Variants in CPNE2 observed in about 807,000 individuals in gnomAD.
CPNE2 encodes copine-2.
In CPNE2, 42 loss-of-function variants were observed where a neutral mutation model predicts 69.7. That is an observed-to-expected ratio of 0.60 (90% CI 0.47 to 0.78). CPNE2 has a LOEUF of 0.78. Ranked by LOEUF, CPNE2 falls within the 30% of genes least tolerant of loss-of-function variation. The probability of loss-of-function intolerance (pLI) is 0.00; values close to 1 mark genes in which losing one functional copy is unlikely to be tolerated. For synonymous variants in CPNE2, 294 were observed against 289.8 expected (o/e 1.01, Z -0.15); for missense variants, 587 against 732.0 (o/e 0.80, Z 2.29).
At chr16:57,098,087 G>C (rs997997446) in intron 1 of CPNE2, among the ~76,000 whole-genome samples, 3 of 152,104 alleles carry the variant, frequency 2.0e-5, no homozygotes, top group Non-Finnish European at 4.4e-5. Context: ...GGCCTGGGAG[G>C]GTGGGGGTGG....
At chr16:57,138,174 C>T (rs2145279621) in intron 14 of CPNE2, among the ~76,000 whole-genome samples, 1 of 152,300 alleles carries the variant, frequency 6.6e-6, no homozygotes, top group South Asian at 2.1e-4. Context: ...TCCTTTCTGG[C>T]CACTACCTCC....
chr16:57,147,719 C>G lies in CPNE2; in HGVS notation c.*61C>G. The stretch of plus-strand genomic sequence containing the variant: ...TCCTGCCCTCCCCCAGGAACATGCA[C>G]GCTCACTCTGCTTCCTTGTGGGTGG... On this transcript the variant is annotated 3_prime_UTR_variant, in exon 16 of 16. Coordinates refer to ENST00000290776, the MANE Select transcript of CPNE2 (RefSeq NM_152727.6). 3 of 1,131,024 alleles carry G rather than the reference C, an allele frequency of 2.7e-6. No homozygotes were observed. Among genetic ancestry groups the G allele is most frequent in the Non-Finnish European group, 2.5e-6 (2 of 805,882 alleles). The allele number at this position is 1,131,024 out of a possible 1,614,324, so 70.1% of individuals were successfully genotyped here.
In CPNE2 at chr16:57,111,526, G is replaced by A. The variant is rs78868586; in HGVS notation, c.180+604G>A. Among the ~76,000 whole-genome samples the A allele has an allele frequency of 8.2e-3, 1,252 of 152,308 alleles. 21 individuals carry two copies. The highest frequency in any genetic ancestry group is 0.029 in the African/African-American group (1,200 of 41,558). On this transcript the variant is annotated intron_variant, in intron 2 of 15. Transcript: ENST00000290776. ...TTAACATTTTATAGTTTTATGAAAT[G>A]TTTGCTTCCGCTTTTAAATAACCTT...
rs529154007 is a variant in CPNE2 at position 57,118,893 on chromosome 16, C to T, written c.508-302C>T. On this transcript the variant is annotated intron_variant, in intron 5 of 15. Transcript: ENST00000290776. ...AATAGTCACCCTCTTGAAGTCCTGG[C>T]CCATCTAAAATGCCGGAGTTCTGAC... 2.0e-5 allele frequency among the ~76,000 whole-genome samples: 3 copies of T among 152,242 alleles called. No individual in the cohort carries two copies. In the East Asian group the frequency reaches 5.8e-4, roughly 29 times the overall value.
intron 1 of CPNE2, among the ~76,000 whole-genome samples, chr16:57,102,256 G>A (rs921370137): frequency 2.6e-5 from 4 of 152,144 alleles, no homozygotes; most frequent in Non-Finnish European, 5.9e-5. Context: ...GCTTGGTGCT[G>A]CATTTCTAGC....
At chr16:57,125,724 C>A (rs2069795771) in intron 10 of CPNE2, 136 bp from the exon 11 acceptor site, 4 of 1,077,714 alleles carry the variant, frequency 3.7e-6, no homozygotes, top group African/African-American at 1.6e-5. Context: ...TTCTAGGTTT[C>A]AGACCATCTT....
chr16:57,121,701 A>G lies in CPNE2; in HGVS notation c.808A>G (p.Lys270Glu). ...GGAGTTCGAGTGCATCAACCCCAAG[A>G]AGCAGAGGAAGAAGAAGAACTATAA... Reference protein sequence around the residue: ...PLEFECINPKKQRKKKNYKNS... With the variant: ...PLEFECINPKEQRKKKNYKNS... The change falls in exon 9 of 16, where the codon AAG (lysine) becomes GAG (glutamate). Residue 270 changes from lysine (K) to glutamate (E), a missense_variant. By Grantham distance (56) the Lys-to-Glu change is moderately conservative (BLOSUM62 1). Around this residue, in one of 5 missense-constraint regions of CPNE2, gnomAD observed 269 missense variants for 300.5 expected, o/e 0.90. Transcript: ENST00000290776. 6.2e-7 allele frequency: 1 copy of G among 1,614,154 alleles called. No individual in the cohort carries two copies. The highest frequency in any genetic ancestry group is 8.5e-7 in the Non-Finnish European group (1 of 1,180,020).
At chr16:57,121,251 CG>C (rs2069760019) in intron 8 of CPNE2, 60 bp downstream of exon 8, 2 of 1,487,432 alleles carry the variant, frequency 1.3e-6, no homozygotes, top group East Asian at 4.6e-5. Flanking sequence ...GAAGGGGCAC[CG>C]GGTCTTGGGT....
intron 11 of CPNE2, among the ~76,000 whole-genome samples, 196 bp downstream of exon 11, chr16:57,126,189 G>A (rs111842283): frequency 1.8e-4 from 28 of 152,322 alleles, no homozygotes; most frequent in African/African-American, 6.3e-4. Context: ...CCTGCCAAGC[G>A]CAGATTCAAA....
In CPNE2 at chr16:57,092,873, G is replaced by C. The variant is rs2069552818; in HGVS notation, c.-36+83G>C. On this transcript the variant is annotated intron_variant, in intron 1 of 15. Coordinates refer to ENST00000290776, the MANE Select transcript of CPNE2 (RefSeq NM_152727.6). This position sits in a 1 kb window ranked among gnomAD's most constrained non-coding sequence, Gnocchi z 5.3. ...GGGCTGGGCTCTTTGATCCAGCTGCGGGTCCGAAGGAACCCGGGTTCCGCC... is the reference window on the plus strand; with the variant it reads ...GGGCTGGGCTCTTTGATCCAGCTGCCGGTCCGAAGGAACCCGGGTTCCGCC... The C allele has an allele frequency of 6.6e-6, 1 of 151,810 alleles. No homozygotes were observed. Among genetic ancestry groups the C allele is most frequent in the Non-Finnish European group, 1.5e-5 (1 of 67,892 alleles). The allele number at this position is 151,810 out of a possible 1,614,324, so 9.4% of individuals were successfully genotyped here.
intron 2 of CPNE2, among the ~76,000 whole-genome samples, chr16:57,111,239 A>C (rs541983553): frequency 9.1e-4 from 135 of 147,952 alleles, no homozygotes; most frequent in Admixed American, 2.0e-3. Context: ...TGCAGTGGTG[A>C]GATCTCAGCT....
chr16:57,113,971 C>G (rs1258896755), intron 3 of CPNE2, among the ~76,000 whole-genome samples: 1 of 152,216 alleles, frequency 6.6e-6, no homozygotes, highest in African/African-American at 2.4e-5. Context: ...CCATCCCCCT[C>G]TGGGCCTCAG....
chr16:57,124,451 T>A (rs1412735209), intron 10 of CPNE2: 2 of 447,844 alleles, frequency 4.5e-6, no homozygotes, highest in Admixed American at 4.9e-5. Context: ...TTCTCCCTGA[T>A]CGTCGCACCC....
rs201790090 is a variant in CPNE2 at position 57,121,125 on chromosome 16, C to T, written c.714C>T (p.Gly238=). ...VMCYDYDNDG[G]HDFIGEFQTS... ...GCTACGACTATGACAATGACGGGGGCCATGACTTCATCGGCGAGTTCCAGA... is the reference window on the plus strand; with the variant it reads ...GCTACGACTATGACAATGACGGGGGTCATGACTTCATCGGCGAGTTCCAGA... The change falls in exon 8 of 16, where the codon GGC becomes GGT. Residue 238 remains glycine, a synonymous_variant. Coordinates refer to ENST00000290776, the MANE Select transcript of CPNE2 (RefSeq NM_152727.6). The T allele has an allele frequency of 2.5e-4, 409 of 1,613,958 alleles. 1 individual carries two copies. The highest frequency in any genetic ancestry group is 3.3e-4 in the Non-Finnish European group (389 of 1,179,950).
chr16:57,130,566 A>G lies in CPNE2; in HGVS notation c.1116+2663A>G, dbSNP rs116030646. ...TCTGCCTGCTTTACCAGTTTCAACT[A>G]ATTCTCACCAAAGCCAATGAGGTAG... On this transcript the variant is annotated intron_variant, in intron 12 of 15. Transcript: ENST00000290776. The surrounding 1 kb of genome is among the most constrained non-coding windows in gnomAD (Gnocchi z 4.1). Among the ~76,000 whole-genome samples, 2,030 of 152,098 alleles carry G rather than the reference A, an allele frequency of 0.013. 34 individuals are homozygous for G. Among genetic ancestry groups the G allele is most frequent in the African/African-American group, 0.046 (1,921 of 41,480 alleles).
rs775161372 is a variant in CPNE2, at chr16:57,113,308, G to A, written c.201G>A (p.Ala67=). Residue 67 remains alanine, a synonymous_variant, in exon 3 of 16, where the codon GCG becomes GCA. Transcript: ENST00000290776. ...GCTAGTACGACAGGACAGAAACCGC[G>A]ATCAACAACCTCAACCCCGCCTTCT... ...RWIEYDRTET[A]INNLNPAFSK... is the part of the protein sequence containing the mutation. 17 of 1,613,880 alleles carry A rather than the reference G, an allele frequency of 1.1e-5. No individual in the cohort carries two copies. The highest frequency in any genetic ancestry group is 2.7e-5 in the African/African-American group (2 of 74,906).
At chr16:57,113,054 G>C (rs544896851) in intron 2 of CPNE2, 1 of 460,522 alleles carries the variant, frequency 2.2e-6, no homozygotes, top group Non-Finnish European at 3.9e-6. Flanking sequence ...GTCAGACCTC[G>C]GTTTCAAATC....
intron 10 of CPNE2, chr16:57,123,678 C>T (rs1317132049): frequency 1.8e-5 from 11 of 599,734 alleles, no homozygotes; most frequent in Non-Finnish European, 8.9e-6. Flanking sequence ...GGCTTAACTA[C>T]AGGTCAGAGC....
intron 1 of CPNE2, among the ~76,000 whole-genome samples, chr16:57,099,296 G>T (rs557548757): frequency 1.3e-5 from 2 of 152,246 alleles, no homozygotes; most frequent in Admixed American, 1.3e-4. Flanking sequence ...CTTCAAGTTG[G>T]CTGTATGTGG....
Sources: allele counts gnomAD v4.1 joint callset (sites outside exome capture counted in the v4.1 genomes callset), GRCh38; gene constraint gnomAD v4.1.1; regional missense constraint gnomAD v4.1.1; non-coding constraint Gnocchi (gnomAD v3.1); transcripts MANE v1.5; gene names NCBI Gene and HGNC (gene_info 2026-07-23, HGNC 2026-07-21).